Variants in TUSC3 observed in about 807,000 individuals in gnomAD.
The protein encoded by TUSC3 is tumor suppressor candidate 3.
A neutral mutation model predicts 44.8 loss-of-function variants in TUSC3; 45 were observed. That is an observed-to-expected ratio of 1.00 (90% confidence interval 0.79 to 1.29). The LOEUF is 1.29. Ranked by LOEUF, TUSC3 falls within the 50% of genes most tolerant of loss-of-function variation. The pLI is 0.00. For synonymous variants in TUSC3, 212 were observed against 152.9 expected (o/e 1.39, Z -2.85); for missense variants, 519 against 437.9 (o/e 1.19, Z -1.65).
intron 1 of TUSC3, among the ~76,000 whole-genome samples, chr8:15,458,538 C>T (rs1049813228): frequency 3.9e-5 from 6 of 152,148 alleles, no homozygotes; most frequent in Non-Finnish European, 7.3e-5. Context: ...TGAGCCCAGC[C>T]AGTGCTTATT....
chr8:15,657,702 C>G (rs954840673), intron 3 of TUSC3, among the ~76,000 whole-genome samples: 1 of 152,268 alleles, frequency 6.6e-6, no homozygotes, highest in African/African-American at 2.4e-5. Context: ...TTCTTTCAGT[C>G]TCTACCCATT....
chr8:15,585,500 G>A (rs956779488), intron 1 of TUSC3, among the ~76,000 whole-genome samples: 3 of 152,094 alleles, frequency 2.0e-5, no homozygotes, highest in Non-Finnish European at 4.4e-5. Context: ...AGAGGGTTGT[G>A]TTTTTTTACA....
intron 6 of TUSC3, among the ~76,000 whole-genome samples, chr8:15,681,082 G>A (rs936088195): frequency 1.3e-5 from 2 of 149,862 alleles, no homozygotes; most frequent in African/African-American, 2.4e-5. Flanking sequence ...TGATATCGGT[G>A]CTGCTGGCTA....
rs17657939 is a variant in TUSC3, at chr8:15,595,905, G to C, written c.139-27175G>C. ...AAGTGACAGTCTTCATAAGGTCCAGGTATGCCATAGGAACTTAGTGATTTG... is the reference window on the plus strand; with the variant it reads ...AAGTGACAGTCTTCATAAGGTCCAGCTATGCCATAGGAACTTAGTGATTTG... On this transcript the variant is annotated intron_variant, in intron 1 of 10. Coordinates refer to ENST00000503731, the MANE Select transcript of TUSC3 (RefSeq NM_006765.4). Among the ~76,000 whole-genome samples the C allele has an allele frequency of 3.4e-3, 524 of 152,224 alleles. 8 individuals are homozygous for C. In the East Asian group the frequency reaches 0.036, roughly 10 times the overall value.
At chr8:15,531,644 T>A (rs1252536517) in intron 2 of TUSC3, among the ~76,000 whole-genome samples, 1 of 152,218 alleles carries the variant, frequency 6.6e-6, no homozygotes, top group East Asian at 1.9e-4. Context: ...CCCTCATCCT[T>A]TCTTCTGAGA....
At chr8:15,579,204 TC>T (rs1487295237) in intron 1 of TUSC3, among the ~76,000 whole-genome samples, 3 of 147,736 alleles carry the variant, frequency 2.0e-5, no homozygotes, top group African/African-American at 7.4e-5. Context: ...GATTCTTCTC[TC>T]TTTTTTTCTT....
intron 4 of TUSC3, among the ~76,000 whole-genome samples, chr8:15,661,410 C>T (rs918866276): frequency 2.6e-5 from 4 of 151,896 alleles, no homozygotes; most frequent in African/African-American, 7.3e-5. Flanking sequence ...AGAATATAGT[C>T]CTTTGCTACT....
At chr8:15,689,856 G>T (rs941537289) in intron 6 of TUSC3, among the ~76,000 whole-genome samples, 2 of 58,508 alleles carry the variant, frequency 3.4e-5, no homozygotes, top group African/African-American at 1.1e-4. Context: ...GTGTGTGTGT[G>T]TGTGTGTATA....
chr8:15,465,551 A>G (rs1435322137), intron 1 of TUSC3, among the ~76,000 whole-genome samples: 3 of 152,202 alleles, frequency 2.0e-5, no homozygotes, highest in Non-Finnish European at 4.4e-5. Context: ...TTAAAAATAC[A>G]CCTTATATTT....
the TUSC3 span, among the ~76,000 whole-genome samples, chr8:15,801,262 T>C: frequency 6.6e-6 from 1 of 152,192 alleles, no homozygotes; most frequent in African/African-American, 2.4e-5. Context: ...ATGGCATTTG[T>C]AATGGATACA....
At chr8:15,485,307 T>C (rs773690340) in intron 2 of TUSC3, among the ~76,000 whole-genome samples, 3 of 152,188 alleles carry the variant, frequency 2.0e-5, no homozygotes, top group Non-Finnish European at 4.4e-5. Context: ...GAATTTCACT[T>C]CCAGGGTTCA....
At chr8:15,840,189 G>T in the TUSC3 span, among the ~76,000 whole-genome samples, 1 of 152,148 alleles carries the variant, frequency 6.6e-6, no homozygotes, top group African/African-American at 2.4e-5. Flanking sequence ...AGAACACTTG[G>T]ACACAGGAAG....
intron 6 of TUSC3, among the ~76,000 whole-genome samples, chr8:15,724,525 TC>T (rs1372328540): frequency 6.6e-6 from 1 of 152,218 alleles, no homozygotes; most frequent in Non-Finnish European, 1.5e-5. Context: ...CAAGATTTTT[TC>T]CCTCTGTTTC....
chr8:15,824,540 T>C, the TUSC3 span, among the ~76,000 whole-genome samples: 10 of 146,708 alleles, frequency 6.8e-5, no homozygotes, highest in African/African-American at 2.0e-4. Flanking sequence ...TTCTCACTCA[T>C]AGGTGGGAAC....
At chr8:15,483,927 G>C (rs1585061496) in intron 2 of TUSC3, among the ~76,000 whole-genome samples, 1 of 152,006 alleles carries the variant, frequency 6.6e-6, no homozygotes, top group East Asian at 1.9e-4. Flanking sequence ...AAAGTGCTGG[G>C]ATTACAGGCG....
chr8:15,445,940 C>CCGGA (rs1371822647), intron 1 of TUSC3, among the ~76,000 whole-genome samples: 2 of 144,018 alleles, frequency 1.4e-5, no homozygotes, highest in African/African-American at 2.6e-5. Flanking sequence ...GGGCGGCTGG[C>CCGGA]CGGACGGGGG....
chr8:15,566,225 T>C (rs1353176461), intron 1 of TUSC3, among the ~76,000 whole-genome samples: 1 of 152,140 alleles, frequency 6.6e-6, no homozygotes, highest in Non-Finnish European at 1.5e-5. Context: ...GACTAAAACA[T>C]AGAATTCAGA....
rs944856147 is a variant in TUSC3 at position 15,433,225 on chromosome 8, G to A, written n.91+15920G>A. ...TGGAGAAAAGTTCTTTTCCATTGTGGAAATGTATTCCCCCATATATTTAAA... is the reference window on the plus strand; with the variant it reads ...TGGAGAAAAGTTCTTTTCCATTGTGAAAATGTATTCCCCCATATATTTAAA... On this transcript the variant is annotated intron_variant and non_coding_transcript_variant, in intron 1 of 5. Coordinates refer to the TUSC3 transcript ENST00000503191. Among the ~76,000 whole-genome samples, 3 of 151,998 alleles carry A rather than the reference G, an allele frequency of 2.0e-5. No individual in the cohort carries two copies. In the East Asian group the frequency reaches 5.8e-4, roughly 29 times the overall value.
At chr8:15,614,959 C>G (rs919415127) in intron 1 of TUSC3, among the ~76,000 whole-genome samples, 1 of 145,768 alleles carries the variant, frequency 6.9e-6, no homozygotes, top group African/African-American at 2.5e-5. Flanking sequence ...AAAACCACCC[C>G]AAAATTCGGA....
Sources: allele counts gnomAD v4.1 joint callset (sites outside exome capture counted in the v4.1 genomes callset), GRCh38; gene constraint gnomAD v4.1.1; transcripts MANE v1.5; gene names NCBI Gene and HGNC (gene_info 2026-07-23, HGNC 2026-07-21).